Variants in DCX observed in about 807,000 individuals in gnomAD.
DCX encodes doublecortin.
DCX carries 4 observed loss-of-function variants against 20.9 expected under a neutral mutation model. That is an observed-to-expected ratio of 0.19 (90% CI 0.09 to 0.44). DCX has a LOEUF of 0.44. DCX is among the 20% of genes least tolerant of loss of function. DCX has a pLI of 0.99. For missense variants in DCX, 133 were observed against 296.9 expected, an observed-to-expected ratio of 0.45 and a Z score of 4.06; for synonymous variants, 103 against 111.4, an observed-to-expected ratio of 0.92 and a Z score of 0.47.
At chrX:111,395,139 G>A (rs928135586) in intron 3 of DCX, among the ~76,000 whole-genome samples, 5 of 111,466 alleles carry the variant, frequency 4.5e-5, no homozygotes, top group African/African-American at 1.6e-4. Flanking sequence ...ACTATGAGGT[G>A]GATACTCTGT....
rs552789842 is a variant in DCX, at chrX:111,327,723, C to T, written c.946+3181G>A. Reference sequence around the variant, plus strand: ...TCCTCTTTCATATCTTACCAATCTCCTCGTCCCAGCTTGGAATGGTCCTGA... The same window carrying T: ...TCCTCTTTCATATCTTACCAATCTCTTCGTCCCAGCTTGGAATGGTCCTGA... On this transcript the variant is annotated intron_variant, in intron 5 of 6. Transcript: ENST00000636035. Among the ~76,000 whole-genome samples, 8 of 112,240 alleles carry T rather than the reference C, an allele frequency of 7.1e-5. No homozygotes were observed. The South Asian group carries it at 3.0e-3, about 42-fold the overall frequency.
chrX:111,309,914 T>A (rs1285984048), intron 6 of DCX, among the ~76,000 whole-genome samples: 1 of 112,173 alleles, frequency 8.9e-6, no homozygotes, highest in Non-Finnish European at 1.9e-5. Flanking sequence ...CAGTGTTAAA[T>A]TTCCTAATTT....
intron 3 of DCX, among the ~76,000 whole-genome samples, chrX:111,378,748 T>C (rs533429241): frequency 3.6e-5 from 4 of 111,261 alleles, no homozygotes; most frequent in Admixed American, 2.9e-4. Context: ...GTCAAAGCAC[T>C]CCCATGTGCT....
chrX:111,339,710 A>AACTGCC (rs1335677146), intron 3 of DCX, among the ~76,000 whole-genome samples: 2 of 112,004 alleles, frequency 1.8e-5, no homozygotes, highest in African/African-American at 6.5e-5. Flanking sequence ...ATTTCCATCC[A>AACTGCC]ACTGCCTGTT....
chrX:111,392,015 G>A (rs959350156), intron 3 of DCX, among the ~76,000 whole-genome samples: 1 of 111,226 alleles, frequency 9.0e-6, no homozygotes, highest in Non-Finnish European at 1.9e-5. Context: ...CTTTGATTCT[G>A]GAAGGTTAGG....
intron 6 of DCX, among the ~76,000 whole-genome samples, chrX:111,309,935 G>A (rs987282364): frequency 3.6e-5 from 4 of 112,147 alleles, no homozygotes; most frequent in African/African-American, 1.3e-4. Flanking sequence ...TGATGATCAT[G>A]CTATGGTTAT....
At chrX:111,391,589 T>C (rs1394375700) in intron 3 of DCX, among the ~76,000 whole-genome samples, 3 of 111,053 alleles carry the variant, frequency 2.7e-5, no homozygotes, top group Non-Finnish European at 5.7e-5. Context: ...GATCACTCTT[T>C]TTTTGTGGGG....
At chrX:111,359,965 C>A in intron 3 of DCX, among the ~76,000 whole-genome samples, 1 of 111,499 alleles carries the variant, frequency 9.0e-6, no homozygotes, top group Non-Finnish European at 1.9e-5. Flanking sequence ...TGGAAAATAC[C>A]GTTTGATCCA....
At chrX:111,345,552 AAAAC>A (rs988760250) in intron 3 of DCX, among the ~76,000 whole-genome samples, 7 of 111,691 alleles carry the variant, frequency 6.3e-5, no homozygotes, top group African/African-American at 9.8e-5. Flanking sequence ...TTACAAGAAA[AAAAC>A]AAACAACCCC....
rs1182045094 is a variant in DCX, at chrX:111,299,215, C to T, written c.*2472G>A. 9.0e-6 allele frequency: 1 copy of T among 111,237 alleles called. No homozygotes were observed. The highest frequency in any genetic ancestry group is 1.9e-5 in the Non-Finnish European group (1 of 53,102). The allele number at this position is 111,237 out of a possible 1,213,427, so 9.2% of individuals were successfully genotyped here. A position where few individuals can be genotyped will look rare whatever the true frequency, so the allele number is the denominator to read the frequency against. On this transcript the variant is annotated 3_prime_UTR_variant, in exon 7 of 7. Coordinates refer to ENST00000636035, the MANE Select transcript of DCX (RefSeq NM_001195553.2). Reference sequence around the variant, plus strand: ...ACTTAAATTTTGGACTATGCCAAGCCTCATCCCCTGCTCCCTCCAAAATGG... The same window carrying T: ...ACTTAAATTTTGGACTATGCCAAGCTTCATCCCCTGCTCCCTCCAAAATGG...
At chrX:111,401,514 A>C (rs1233290758) in intron 2 of DCX, among the ~76,000 whole-genome samples, 184 bp from the exon 3 acceptor site, 1 of 112,250 alleles carries the variant, frequency 8.9e-6, no homozygotes, top group Non-Finnish European at 1.9e-5. Context: ...AGTAATTCTC[A>C]AAACATCCTT....
chrX:111,391,080 T>C lies in DCX; in HGVS notation c.705+9910A>G, dbSNP rs1185771236. Among the ~76,000 whole-genome samples, 5 of 111,246 alleles carry C rather than the reference T, an allele frequency of 4.5e-5. No homozygotes were observed. In the Admixed American group the frequency reaches 4.8e-4, roughly 11 times the overall value. On this transcript the variant is annotated intron_variant, in intron 3 of 6. Coordinates refer to ENST00000636035, the MANE Select transcript of DCX (RefSeq NM_001195553.2). ...ATCAAGTTCTGATATGGTTTGGCTC[T>C]GTGCCCCCACCCAAATTTCATGTTG...
chrX:111,372,836 G>T (rs1039870786), intron 3 of DCX, among the ~76,000 whole-genome samples: 2 of 111,759 alleles, frequency 1.8e-5, no homozygotes, highest in African/African-American at 6.5e-5. Flanking sequence ...GGCAGCAAAG[G>T]GAGTGAGAAG....
intron 5 of DCX, among the ~76,000 whole-genome samples, chrX:111,313,388 G>T (rs2095061912): frequency 1.8e-5 from 2 of 110,525 alleles, no homozygotes; most frequent in South Asian, 7.9e-4. Context: ...TTAAAAGAAG[G>T]CTCAAGCAGC....
intron 2 of DCX, among the ~76,000 whole-genome samples, chrX:111,402,478 C>T (rs1237160505): frequency 9.0e-6 from 1 of 111,485 alleles, no homozygotes; most frequent in Non-Finnish European, 1.9e-5. Flanking sequence ...GTGATTTAAT[C>T]AGGCTTAAGT....
intron 6 of DCX, among the ~76,000 whole-genome samples, chrX:111,312,019 C>T (rs749795347): frequency 7.1e-5 from 8 of 112,229 alleles, no homozygotes; most frequent in South Asian, 7.5e-4. Flanking sequence ...GTTTGGATAG[C>T]GGGGCTAGGG....
intron 3 of DCX, among the ~76,000 whole-genome samples, chrX:111,347,982 C>T (rs1922980386): frequency 8.9e-6 from 1 of 111,869 alleles, no homozygotes; most frequent in Non-Finnish European, 1.9e-5. Flanking sequence ...GGTGAAGGGC[C>T]ATAATGATCC....
chrX:111,326,809 T>G (rs2147623218), intron 5 of DCX, among the ~76,000 whole-genome samples: 1 of 111,747 alleles, frequency 8.9e-6, no homozygotes, highest in South Asian at 3.7e-4. Context: ...GATTTATTCA[T>G]GGGGCAGAAC....
At chrX:111,354,013 T>C (rs1307825861) in intron 3 of DCX, among the ~76,000 whole-genome samples, 1 of 111,942 alleles carries the variant, frequency 8.9e-6, no homozygotes, top group Non-Finnish European at 1.9e-5. Context: ...ACAATTAAGC[T>C]CGTTTCCCTT....
Sources: allele counts gnomAD v4.1 joint callset (sites outside exome capture counted in the v4.1 genomes callset), GRCh38; gene constraint gnomAD v4.1.1; transcripts MANE v1.5; gene names NCBI Gene and HGNC (gene_info 2026-07-23, HGNC 2026-07-21).